FOXN3: variants seen among roughly 807,000 people sequenced by gnomAD.
The protein encoded by FOXN3 is forkhead box N3.
In FOXN3, 7 loss-of-function variants were observed where a neutral mutation model predicts 38.4. That is an observed-to-expected ratio of 0.18 (90% CI 0.10 to 0.34). FOXN3 has a LOEUF of 0.34. Among genes scored for constraint, FOXN3 ranks in the 10% least tolerant of loss-of-function variants. The pLI is 1.00. For missense variants in FOXN3, 456 were observed against 613.4 expected (o/e 0.74, Z 2.71); for synonymous variants, 230 against 242.2 (o/e 0.95, Z 0.47).
intron 1 of FOXN3, among the ~76,000 whole-genome samples, chr14:89,505,395 C>T: frequency 6.6e-6 from 1 of 152,002 alleles, no homozygotes; most frequent in Non-Finnish European, 1.5e-5. Context: ...CTGCCTCAGC[C>T]TGCCGAGTGC....
intron 1 of FOXN3, among the ~76,000 whole-genome samples, chr14:89,452,231 G>T (rs765680435): frequency 6.6e-6 from 1 of 152,114 alleles, no homozygotes; most frequent in African/African-American, 2.4e-5. Flanking sequence ...TAAGAACAAG[G>T]AGGTCCCTGA....
At chr14:89,389,508 A>C (rs958833739) in intron 2 of FOXN3, among the ~76,000 whole-genome samples, 4 of 152,168 alleles carry the variant, frequency 2.6e-5, no homozygotes, top group African/African-American at 9.7e-5. Context: ...GTTTAGGAGA[A>C]TTACGCTCTT....
At chr14:89,526,721 CT>C (rs1171944939) in intron 1 of FOXN3, among the ~76,000 whole-genome samples, 2 of 152,014 alleles carry the variant, frequency 1.3e-5, no homozygotes, top group Non-Finnish European at 2.9e-5. Flanking sequence ...TCCCAACAGG[CT>C]TTTTTTCTAG....
At chr14:89,420,053 C>T (rs1207879368), upstream of FOXN3, among the ~76,000 whole-genome samples, 1 of 152,194 alleles carries the variant, frequency 6.6e-6, no homozygotes, top group East Asian at 1.9e-4. Context: ...GCACACACCG[C>T]TGGCCTGCAC....
intron 3 of FOXN3, among the ~76,000 whole-genome samples, chr14:89,316,174 C>T (rs996457135): frequency 3.9e-5 from 6 of 152,148 alleles, no homozygotes; most frequent in African/African-American, 1.4e-4. Flanking sequence ...TCTCTTGTTG[C>T]TGGGAACCCT....
At chr14:89,590,378 A>G (rs1262535403) in intron 1 of FOXN3, among the ~76,000 whole-genome samples, 2 of 152,196 alleles carry the variant, frequency 1.3e-5, no homozygotes, top group Non-Finnish European at 2.9e-5. Context: ...CTGAGGGTAT[A>G]TGGAAGAGTG....
intron 3 of FOXN3, among the ~76,000 whole-genome samples, chr14:89,300,896 A>G (rs1887197891): frequency 6.6e-6 from 1 of 152,138 alleles, no homozygotes; most frequent in Non-Finnish European, 1.5e-5. Flanking sequence ...TCCAAGGTTC[A>G]AGCGATTCTC....
In FOXN3 at chr14:89,407,328, A is replaced by G. The variant is rs537039723; in HGVS notation, c.543+4606T>C. 2.0e-5 allele frequency among the ~76,000 whole-genome samples: 3 copies of G among 152,328 alleles called. No individual in the cohort carries two copies. In the South Asian group the frequency reaches 6.2e-4, roughly 32 times the overall value. On this transcript the variant is annotated intron_variant, in intron 2 of 5. Coordinates refer to ENST00000557258, the MANE Select transcript of FOXN3 (RefSeq NM_005197.4). ...CAGACTGACACAGACAGGAAACATCACAAAAGGCACTGCAGGAACCACATT... is the reference window on the plus strand; with the variant it reads ...CAGACTGACACAGACAGGAAACATCGCAAAAGGCACTGCAGGAACCACATT...
intron 4 of FOXN3, among the ~76,000 whole-genome samples, chr14:89,229,227 T>C (rs1028074141): frequency 6.6e-6 from 1 of 152,150 alleles, no homozygotes; most frequent in Non-Finnish European, 1.5e-5. Flanking sequence ...GTGTCACCCA[T>C]GACAAAATTC....
intron 2 of FOXN3, among the ~76,000 whole-genome samples, chr14:89,368,768 G>C (rs1225506331): frequency 1.3e-5 from 2 of 152,110 alleles, no homozygotes; most frequent in Non-Finnish European, 2.9e-5. Context: ...TGTTTCTAAA[G>C]CCTTCTCAGC....
At position 89,313,099 on chromosome 14, in the gene FOXN3, A is replaced by G. The variant is rs150054486; in HGVS notation, c.681-32085T>C. On this transcript the variant is annotated intron_variant, in intron 3 of 5. Coordinates refer to ENST00000557258, the MANE Select transcript of FOXN3 (RefSeq NM_005197.4). ...TCTAGAGAATCCAGCCTAAGACCCA[A>G]CTGTTAGGATTTTTATTACCAGGCA... 6.0e-4 allele frequency among the ~76,000 whole-genome samples: 91 copies of G among 152,280 alleles called. 1 individual carries two copies. The East Asian group carries it at 0.014, about 23-fold the overall frequency.
intron 1 of FOXN3, among the ~76,000 whole-genome samples, chr14:89,413,192 C>T (rs966085161): frequency 1.3e-5 from 2 of 152,188 alleles, no homozygotes; most frequent in African/African-American, 4.8e-5. Context: ...AACCCTCCAG[C>T]ACCCAACGTA....
chr14:89,521,220 G>C (rs1376935868), intron 1 of FOXN3, among the ~76,000 whole-genome samples: 1 of 152,104 alleles, frequency 6.6e-6, no homozygotes, highest in Non-Finnish European at 1.5e-5. Flanking sequence ...TGAGGCAGGA[G>C]AATCGCCTGA....
intron 3 of FOXN3, among the ~76,000 whole-genome samples, chr14:89,299,128 CCT>C (rs1887140201): frequency 6.6e-6 from 1 of 151,580 alleles, no homozygotes; most frequent in Admixed American, 6.6e-5. Flanking sequence ...ATTATCACAG[CCT>C]AGAAAGTAGC....
At chr14:89,217,834 C>T (rs1005115740) in intron 4 of FOXN3, among the ~76,000 whole-genome samples, 1 of 152,214 alleles carries the variant, frequency 6.6e-6, no homozygotes, top group Admixed American at 6.5e-5. Flanking sequence ...TTTGTGGGAG[C>T]CCTCCCCAAT....
intron 1 of FOXN3, among the ~76,000 whole-genome samples, chr14:89,502,954 G>A (rs1893832520): frequency 6.6e-6 from 1 of 152,164 alleles, no homozygotes; most frequent in South Asian, 2.1e-4. Context: ...GCAGATAAAA[G>A]CCCTCTTTTA....
At chr14:89,527,156 G>A (rs944630019) in intron 1 of FOXN3, among the ~76,000 whole-genome samples, 2 of 151,834 alleles carry the variant, frequency 1.3e-5, no homozygotes, top group South Asian at 2.1e-4. Context: ...TTCAACAAAC[G>A]TTTCTAAAAC....
At chr14:89,196,626 T>C (rs889446198) in intron 4 of FOXN3, among the ~76,000 whole-genome samples, 10 of 152,122 alleles carry the variant, frequency 6.6e-5, no homozygotes, top group African/African-American at 2.2e-4. Flanking sequence ...CCAAAGACCT[T>C]AGGGGCAGCT....
Position 89,158,315 on chromosome 14 carries a change from A to T in FOXN3, c.*4099T>A, listed in dbSNP as rs1418520378. On this transcript the variant is annotated 3_prime_UTR_variant, in exon 6 of 6. Transcript: ENST00000557258. ...TGTCCCTCAGGCAGGAGCCTCCTTC[A>T]ACACAACGGCCCCTCCCAGAAGGCT... 1 of 152,300 alleles carries T rather than the reference A, an allele frequency of 6.6e-6. No individual in the cohort carries two copies. The highest frequency in any genetic ancestry group is 2.4e-5 in the African/African-American group (1 of 41,476). The allele number at this position is 152,300 out of a possible 1,614,324, so 9.4% of individuals were successfully genotyped here.
Sources: allele counts gnomAD v4.1 joint callset (sites outside exome capture counted in the v4.1 genomes callset), GRCh38; gene constraint gnomAD v4.1.1; transcripts MANE v1.5; gene names NCBI Gene and HGNC (gene_info 2026-07-23, HGNC 2026-07-21).